The following LRP1B variants were observed in gnomAD, a reference collection of about 807,000 sequenced individuals.
The protein encoded by LRP1B is low-density lipoprotein receptor-related protein 1B.
LRP1B carries 217 observed loss-of-function variants against 556.6 expected under a neutral mutation model. That is an observed-to-expected ratio of 0.39 (90% CI 0.35 to 0.44). The LOEUF is 0.44. LRP1B is among the 20% of genes least tolerant of loss of function. LRP1B has a pLI of 1.00. For missense variants in LRP1B, 5,053 were observed against 5,620.8 expected (o/e 0.90, Z 3.23); for synonymous variants, 2,047 against 1,865.8 (o/e 1.10, Z -2.50).
chr2:141,266,817 A>T (rs898526621), intron 3 of LRP1B, among the ~76,000 whole-genome samples: 9 of 152,220 alleles, frequency 5.9e-5, no homozygotes, highest in African/African-American at 2.2e-4. Context: ...AGATTAATTT[A>T]TTTTACAAAT....
intron 2 of LRP1B, among the ~76,000 whole-genome samples, chr2:141,800,246 C>T (rs1045144189): frequency 1.3e-5 from 2 of 152,172 alleles, no homozygotes. Context: ...GCATGAATGA[C>T]AATCTTGCTC....
intron 41 of LRP1B, among the ~76,000 whole-genome samples, chr2:140,669,594 C>T (rs1440641140): frequency 6.6e-6 from 1 of 152,098 alleles, no homozygotes; most frequent in Non-Finnish European, 1.5e-5. Context: ...GATGTCTTTA[C>T]CATGTGCTAG....
At chr2:141,780,312 T>G (rs1174166737) in intron 2 of LRP1B, among the ~76,000 whole-genome samples, 1 of 152,084 alleles carries the variant, frequency 6.6e-6, no homozygotes, top group African/African-American at 2.4e-5. Context: ...GCAGTATGAT[T>G]CTTTTTTAAA....
chr2:140,730,077 C>T (rs540710686), intron 35 of LRP1B, among the ~76,000 whole-genome samples: 45 of 152,304 alleles, frequency 3.0e-4, no homozygotes, highest in African/African-American at 1.0e-3. Flanking sequence ...TCCAATCAAT[C>T]AGCAAGTCCT....
chr2:140,402,153 C>T (rs1684531796), intron 66 of LRP1B, among the ~76,000 whole-genome samples: 1 of 152,192 alleles, frequency 6.6e-6, no homozygotes. Context: ...GAAACTCCTA[C>T]TCCCAGGGTA....
intron 3 of LRP1B, among the ~76,000 whole-genome samples, chr2:141,444,681 T>A (rs757301349): frequency 6.6e-6 from 1 of 152,214 alleles, no homozygotes; most frequent in Non-Finnish European, 1.5e-5. Flanking sequence ...TCTATTGAGA[T>A]AATCATGTAG....
At chr2:140,308,059 G>T (rs1027763906) in intron 83 of LRP1B, among the ~76,000 whole-genome samples, 9 of 151,488 alleles carry the variant, frequency 5.9e-5, no homozygotes, top group African/African-American at 2.2e-4. Flanking sequence ...AAATTTGTTG[G>T]GATACTTATT....
At chr2:140,843,080 T>TTG (rs1692165512) in intron 29 of LRP1B, among the ~76,000 whole-genome samples, 10 of 20,640 alleles carry the variant, frequency 4.8e-4, no homozygotes, top group Non-Finnish European at 7.6e-4. Context: ...TTTTTTTTTT[T>TTG]GTTTGTTTTT....
chr2:140,835,535 T>A (rs957458996), intron 31 of LRP1B, among the ~76,000 whole-genome samples: 1 of 152,070 alleles, frequency 6.6e-6, no homozygotes, highest in African/African-American at 2.4e-5. Context: ...TTATTTTATT[T>A]TTATTTATTT....
intron 2 of LRP1B, among the ~76,000 whole-genome samples, chr2:141,631,347 A>C (rs867568558): frequency 1.6e-4 from 24 of 152,094 alleles, no homozygotes; most frequent in African/African-American, 5.1e-4. Flanking sequence ...GGGTGGGGAC[A>C]CAGCCAAACC....
At chr2:141,346,332 T>C (rs544535158) in intron 3 of LRP1B, among the ~76,000 whole-genome samples, 2 of 152,266 alleles carry the variant, frequency 1.3e-5, no homozygotes, top group African/African-American at 2.4e-5. Flanking sequence ...GGATTCATTA[T>C]AGGGAGATCT....
intron 7 of LRP1B, among the ~76,000 whole-genome samples, chr2:141,103,929 A>G (rs1700534176): frequency 6.6e-6 from 1 of 152,006 alleles, no homozygotes; most frequent in Non-Finnish European, 1.5e-5. Context: ...ATTGACACAA[A>G]GGCGTCAATT....
Position 140,700,231 on chromosome 2 carries a change from A to G in LRP1B, c.6799+19T>C, listed in dbSNP as rs777542743. ...TGATACTCATTTCCACCTATTTAAAATTGAATTACTGTACTTACTTTCAAC... is the reference window on the plus strand; with the variant it reads ...TGATACTCATTTCCACCTATTTAAAGTTGAATTACTGTACTTACTTTCAAC... On this transcript the variant is annotated intron_variant, in intron 41 of 90. Transcript: ENST00000389484. The G allele has an allele frequency of 6.3e-7, 1 of 1,592,454 alleles. No homozygotes were observed. Among genetic ancestry groups the G allele is most frequent in the Non-Finnish European group, 8.6e-7 (1 of 1,166,156 alleles).
intron 2 of LRP1B, among the ~76,000 whole-genome samples, chr2:141,678,803 A>T (rs1690989607): frequency 6.6e-6 from 1 of 152,176 alleles, no homozygotes; most frequent in Non-Finnish European, 1.5e-5. Context: ...AAAATGTGAC[A>T]GTGATACAAT....
chr2:140,999,161 C>T (rs1408272024), intron 15 of LRP1B, among the ~76,000 whole-genome samples: 3 of 151,996 alleles, frequency 2.0e-5, no homozygotes. Flanking sequence ...TCTTTCTTTG[C>T]ATGAAATGAG....
chr2:142,095,937 T>C (rs892845688), intron 1 of LRP1B, among the ~76,000 whole-genome samples: 4 of 151,702 alleles, frequency 2.6e-5, no homozygotes, highest in Non-Finnish European at 4.4e-5. Flanking sequence ...TAGTTTGTAG[T>C]TCCATTCAAT....
intron 45 of LRP1B, among the ~76,000 whole-genome samples, chr2:140,537,306 A>C (rs1334347656): frequency 6.6e-6 from 1 of 150,556 alleles, no homozygotes. Context: ...GTGTTTTCTT[A>C]CTGGGATCTA....
chr2:140,985,276 T>C (rs887057585), intron 17 of LRP1B, among the ~76,000 whole-genome samples: 7 of 151,716 alleles, frequency 4.6e-5, no homozygotes, highest in African/African-American at 1.7e-4. Context: ...TTCTACTTAG[T>C]TTTATTTAAT....
intron 2 of LRP1B, among the ~76,000 whole-genome samples, chr2:141,553,229 A>C (rs1685819900): frequency 6.6e-6 from 1 of 151,928 alleles, no homozygotes. Flanking sequence ...GCGTTTTCTA[A>C]GATCAATTTC....
Sources: gnomAD v4.1 joint callset for allele counts (sites outside exome capture counted in the v4.1 genomes callset) on GRCh38, gnomAD v4.1.1 for gene constraint, MANE v1.5 for transcripts, NCBI Gene and HGNC (gene_info 2026-07-23, HGNC 2026-07-21) for gene names.